The following NUP58 variants were observed in gnomAD, a reference collection of about 807,000 sequenced individuals.
The protein encoded by NUP58 is nucleoporin p58/p45.
In NUP58, 17 loss-of-function variants were observed where a neutral mutation model predicts 70.1. The ratio of observed to expected loss-of-function variants is 0.24; its 90% confidence interval spans 0.17 to 0.36. The LOEUF is 0.36. Among genes scored for constraint, NUP58 ranks in the 10% least tolerant of loss-of-function variants. NUP58 has a pLI of 1.00. For missense variants in NUP58, 644 were observed against 701.5 expected, an observed-to-expected ratio of 0.92 and a Z score of 0.93; for synonymous variants, 275 against 257.6, an observed-to-expected ratio of 1.07 and a Z score of -0.65.
intron 13 of NUP58, chr13:25,336,409 T>A: frequency 1.5e-6 from 1 of 647,512 alleles, no homozygotes; most frequent in Non-Finnish European, 2.3e-6. Flanking sequence ...AAATCATGCC[T>A]AGTTTTTTGG....
In NUP58 at chr13:25,305,130, G is replaced by GTTTTTTT. The variant is rs562132125; in HGVS notation, c.108-2651_108-2645dup. Among the ~76,000 whole-genome samples the GTTTTTTT allele has an allele frequency of 5.0e-4, 29 of 58,568 alleles. 3 individuals carry two copies. The highest frequency in any genetic ancestry group is 1.3e-3 in the African/African-American group (26 of 19,508). The allele number at this position is 58,568 out of a possible 152,430, so 38.4% of individuals were successfully genotyped here. On this transcript the variant is annotated intron_variant, in intron 1 of 15. Coordinates refer to ENST00000381736, the MANE Select transcript of NUP58 (RefSeq NM_014089.4). The stretch of plus-strand genomic sequence containing the variant: ...GACTAAATGTTTAAAGATCTGTGGG[G>GTTTTTTT]TTTTTTTTTTTTTTTTTTTTTTTTT...
intron 8 of NUP58, 108 bp downstream of exon 8, chr13:25,320,703 A>G: frequency 2.4e-6 from 2 of 825,748 alleles, no homozygotes; most frequent in South Asian, 3.6e-5. Context: ...GCATCTCTTA[A>G]CTAGGGTTAA....
At chr13:25,327,630 G>C in intron 12 of NUP58, 118 bp downstream of exon 12, 3 of 573,218 alleles carry the variant, frequency 5.2e-6, no homozygotes, top group Non-Finnish European at 3.1e-6. Context: ...TAAGTGAAAA[G>C]ATGAAAACTA....
intron 12 of NUP58, among the ~76,000 whole-genome samples, chr13:25,330,365 A>G (rs1159409110): frequency 7.9e-5 from 12 of 152,206 alleles, no homozygotes; most frequent in Non-Finnish European, 1.5e-5. Flanking sequence ...TCATAAATGT[A>G]GCAAAGTTTG....
chr13:25,312,779 TATC>T, intron 3 of NUP58, 101 bp from the exon 4 acceptor site: 2 of 1,076,152 alleles, frequency 1.9e-6, no homozygotes, highest in Admixed American at 5.1e-5. Flanking sequence ...CAAAAGGTAG[TATC>T]ATGAACTTTT....
rs1312287325 is a variant in NUP58, at chr13:25,334,938, A to G, written c.1436-1998A>G. Reference sequence around the variant, plus strand: ...AATAAGAACCTCTCATTGGATGACTATTCAAATTTCAAAGCAGACTTCTTG... The same window carrying G: ...AATAAGAACCTCTCATTGGATGACTGTTCAAATTTCAAAGCAGACTTCTTG... On this transcript the variant is annotated intron_variant, in intron 13 of 15. Coordinates refer to ENST00000381736, the MANE Select transcript of NUP58 (RefSeq NM_014089.4). 1.3e-5 allele frequency: 13 copies of G among 984,942 alleles called. No homozygotes were observed. In the Admixed American group the frequency reaches 1.8e-4, roughly 14 times the overall value. The allele number at this position is 984,942 out of a possible 1,614,324, so 61.0% of individuals were successfully genotyped here.
chr13:25,332,790 G>A (rs2031656380), intron 13 of NUP58: 4 of 985,364 alleles, frequency 4.1e-6, no homozygotes, highest in Non-Finnish European at 4.8e-6. Flanking sequence ...GGATTGCATT[G>A]TTAAGTTATG....
intron 13 of NUP58, among the ~76,000 whole-genome samples, chr13:25,336,588 A>T (rs2031793260): frequency 6.6e-6 from 1 of 152,166 alleles, no homozygotes; most frequent in Admixed American, 6.6e-5. Flanking sequence ...GATCTAAAAT[A>T]ATTCTAGAAG....
In NUP58 at chr13:25,310,971, A is replaced by C. The variant is rs541924723; in HGVS notation, c.286+1689A>C. On this transcript the variant is annotated intron_variant, in intron 3 of 15. Transcript: ENST00000381736. ...TGCTAAGGGTTGGAGCAAGACAGTC[A>C]GTCTGTTGTGAGGTGAAAGGGATAG... Among the ~76,000 whole-genome samples, 4 of 152,326 alleles carry C rather than the reference A, an allele frequency of 2.6e-5. No individual in the cohort carries two copies. The South Asian group carries it at 8.3e-4, about 32-fold the overall frequency.
intron 13 of NUP58, chr13:25,333,753 T>C: frequency 1.0e-6 from 1 of 985,394 alleles, no homozygotes; most frequent in Non-Finnish European, 1.2e-6. Flanking sequence ...TTATCCCTTA[T>C]GCCCTGTGAC....
At chr13:25,345,166 T>G (rs1259246403), downstream of NUP58, among the ~76,000 whole-genome samples, 2 of 152,210 alleles carry the variant, frequency 1.3e-5, no homozygotes, top group African/African-American at 4.8e-5. Context: ...ATACCCAATT[T>G]ATAGATGAAG....
chr13:25,337,889 A>G (rs1030210849), intron 14 of NUP58, among the ~76,000 whole-genome samples: 13 of 152,202 alleles, frequency 8.5e-5, no homozygotes, highest in African/African-American at 3.1e-4. Flanking sequence ...AGCTATTGCA[A>G]AATAACCAAA....
At chr13:25,319,393 T>G (rs376853556) in intron 7 of NUP58, 43 bp downstream of exon 7, 1 of 1,539,926 alleles carries the variant, frequency 6.5e-7, no homozygotes, top group African/African-American at 1.4e-5. Context: ...AATTGAAGAG[T>G]TTAACTTATT....
chr13:25,335,630 T>C, intron 13 of NUP58: 10 of 985,128 alleles, frequency 1.0e-5, no homozygotes, highest in Non-Finnish European at 1.2e-5. Context: ...CTATTAGTTA[T>C]TGTTTGTTTT....
chr13:25,327,260 T>G (rs1161316032), intron 11 of NUP58, among the ~76,000 whole-genome samples, 170 bp from the exon 12 acceptor site: 1 of 152,210 alleles, frequency 6.6e-6, no homozygotes, highest in East Asian at 1.9e-4. Context: ...AGATTTCTTT[T>G]GTAGACATTC....
Position 25,338,639 on chromosome 13 carries a change from T to A in NUP58, c.1538T>A (p.Phe513Tyr). Reference protein sequence around the residue: ...SGLGSSNLGGFGTSSGFGCST... With the variant: ...SGLGSSNLGGYGTSSGFGCST... ...TTTTCTATTACCCTTCCACTAGGAT[T>A]TGGAACTAGCTCTGGTTTTGGATGC... is the stretch of plus-strand genomic sequence containing the variant. The change falls in exon 15 of 16, where the codon TTT becomes TAT. Residue 513 changes from phenylalanine (F) to tyrosine (Y), a missense_variant. By Grantham distance (22) the Phe-to-Tyr change is conservative. Coordinates refer to ENST00000381736, the MANE Select transcript of NUP58 (RefSeq NM_014089.4). The A allele has an allele frequency of 6.2e-7, 1 of 1,612,522 alleles. No individual in the cohort carries two copies. The highest frequency in any genetic ancestry group is 8.5e-7 in the Non-Finnish European group (1 of 1,178,692).
chr13:25,303,429 T>C (rs1056641070), intron 1 of NUP58, among the ~76,000 whole-genome samples: 1 of 150,694 alleles, frequency 6.6e-6, no homozygotes, highest in African/African-American at 2.4e-5. Flanking sequence ...GGATGCACTT[T>C]GATATTTTCT....
Position 25,338,738 on chromosome 13 carries a change from G to A in NUP58, c.1630+7G>A. ...TCAGGAAGTCTTAGTGCAGGTTTGT[G>A]TGTTTCTGCCTGGATTTCAGGCAAA... On this transcript the variant is annotated splice_region_variant and intron_variant, in intron 15 of 15. Transcript: ENST00000381736. The A allele has an allele frequency of 6.2e-7, 1 of 1,605,474 alleles. No homozygotes were observed. Among genetic ancestry groups the A allele is most frequent in the Non-Finnish European group, 8.5e-7 (1 of 1,172,670 alleles).
chr13:25,327,641 C>G, intron 12 of NUP58, 129 bp downstream of exon 12: 1 of 580,738 alleles, frequency 1.7e-6, no homozygotes, highest in East Asian at 2.9e-5. Context: ...ATGAAAACTA[C>G]TATAATCCAT....
Sources: allele counts gnomAD v4.1 joint callset (sites outside exome capture counted in the v4.1 genomes callset), GRCh38; gene constraint gnomAD v4.1.1; transcripts MANE v1.5; gene names NCBI Gene and HGNC (gene_info 2026-07-23, HGNC 2026-07-21).